Variants in COL6A2 observed in about 807,000 individuals in gnomAD.
COL6A2 encodes the protein collagen alpha-2(VI) chain.
COL6A2 carries 90 observed loss-of-function variants against 124.9 expected under a neutral mutation model. The ratio of observed to expected loss-of-function variants is 0.72; its 90% CI spans 0.61 to 0.86. The LOEUF (loss-of-function observed/expected upper bound fraction) is 0.86, where lower values mean the gene tolerates loss of function less well. Among genes scored for constraint, COL6A2 ranks in the 40% least tolerant of loss-of-function variants. The pLI, the probability that COL6A2 is intolerant of heterozygous loss-of-function variation, is 0.00. For synonymous variants in COL6A2, 793 were observed against 618.2 expected (o/e 1.28, Z -4.19); for missense variants, 1,607 against 1,502.5 (o/e 1.07, Z -1.15).
In COL6A2 at chr21:46,132,536, T is replaced by C. The variant is rs536768189; in HGVS notation, c.3044T>C (p.Ile1015Thr). The C allele has an allele frequency of 3.1e-6, 5 of 1,604,570 alleles. No homozygotes were observed. Among genetic ancestry groups the C allele is most frequent in the African/African-American group, 2.7e-5 (2 of 75,000 alleles). The change falls in exon 28 of 28, where the codon ATC becomes ACC. Residue 1015 changes from isoleucine (I) to threonine (T), a missense_variant. This residue lies in a region of COL6A2 where 1,223 missense variants were observed against 1,052.2 expected (regional missense o/e 1.16). Coordinates refer to ENST00000300527, the MANE Select transcript of COL6A2 (RefSeq NM_001849.4). ...CAACCCGGCTTCTTCGACCGCTTCA[T>C]CCGCTGGATCTGCTAGCGCCGCCGC... Reference protein sequence around the residue: ...LAQPGFFDRFIRWIC With the variant: ...LAQPGFFDRFTRWIC
In COL6A2 at chr21:46,112,311, A is replaced by G; in HGVS notation, c.448A>G (p.Ser150Gly). 6.2e-7 allele frequency: 1 copy of G among 1,612,186 alleles called. No individual in the cohort carries two copies. The highest frequency in any genetic ancestry group is 8.5e-7 in the Non-Finnish European group (1 of 1,179,732). The change falls in exon 3 of 28, where the codon AGC becomes GGC. Residue 150 changes from serine (S) to glycine (G), a missense_variant. Physicochemically the swap from Ser to Gly is moderately conservative, Grantham distance 56. Coordinates refer to ENST00000300527, the MANE Select transcript of COL6A2 (RefSeq NM_001849.4). ...GACGGAGCAGATCCGGCAGGACCGC[A>G]GCAAGGGCACCGTCCACTTCGCCGT... ...NMTEQIRQDR[S>G]KGTVHFAVVI... is the part of the protein sequence containing the mutation.
In COL6A2 at chr21:46,112,321, C is replaced by G; in HGVS notation, c.458C>G (p.Thr153Ser). ...EQIRQDRSKG[T>S]VHFAVVITDG... ...ATCCGGCAGGACCGCAGCAAGGGCA[C>G]CGTCCACTTCGCCGTGGTCATCACC... is the stretch of plus-strand genomic sequence containing the variant. The change falls in exon 3 of 28, where the codon ACC (threonine) becomes AGC (serine). Residue 153 changes from threonine to serine, a missense_variant. Transcript: ENST00000300527. The G allele has an allele frequency of 6.2e-7, 1 of 1,611,722 alleles. No homozygotes were observed. Among genetic ancestry groups the G allele is most frequent in the Non-Finnish European group, 8.5e-7 (1 of 1,179,522 alleles).
Position 46,125,610 on chromosome 21 carries a change from C to G in COL6A2, c.1962C>G (p.Ser654=). 6.2e-7 allele frequency: 1 copy of G among 1,611,362 alleles called. No individual in the cohort carries two copies. The highest frequency in any genetic ancestry group is 1.3e-5 in the African/African-American group (1 of 74,714). The stretch of plus-strand genomic sequence containing the variant: ...GTGCCATCGCTAAGGACCCCAAGTC[C>G]GAGACAGGTCAGCGGGGCAGGGGCG... ...RLGAIAKDPK[S]ETGTRVGVVQ... The change falls in exon 25 of 28, where the codon TCC becomes TCG. Residue 654 remains serine, a synonymous_variant. Coordinates refer to ENST00000300527, the MANE Select transcript of COL6A2 (RefSeq NM_001849.4).
chr21:46,116,955 A>ACACACG lies in COL6A2; in HGVS notation c.999+142_999+143insACACGC. 1 of 814,884 alleles carries ACACACG rather than the reference A, an allele frequency of 1.2e-6. No individual in the cohort carries two copies. The highest frequency in any genetic ancestry group is 2.7e-5 in the East Asian group (1 of 36,828). 50.5% of individuals were successfully genotyped at this position (814,884 alleles called of 1,614,324 possible). A position where few individuals can be genotyped will look rare whatever the true frequency, so the allele number is the denominator to read the frequency against. On this transcript the variant is annotated intron_variant, in intron 10 of 27. Transcript: ENST00000300527. The surrounding 1 kb of genome is among the most constrained non-coding windows in gnomAD (Gnocchi z 4.6). ...CACACACACACACACACACACACAC[A>ACACACG]CGAACTTCAGCTCCTGCCACATCCC...
At chr21:46,125,752 C>T (rs766463397) in intron 25 of COL6A2, 33 bp from the exon 26 acceptor site, 4 of 1,607,276 alleles carry the variant, frequency 2.5e-6, no homozygotes, top group East Asian at 2.2e-5. Flanking sequence ...ACCCCGAGGC[C>T]TCTGGCAACG....
rs748153892 is a variant in COL6A2 at position 46,125,271 on chromosome 21, T to C, written c.1776T>C (p.Cys592=). The change falls in exon 24 of 28, where the codon TGT becomes TGC. Residue 592 remains cysteine, a synonymous_variant. Coordinates refer to ENST00000300527, the MANE Select transcript of COL6A2 (RefSeq NM_001849.4). ...GPPGDPGLTE[C]DVMTYVRETC... ...GCCTGCCGTGTGCATTGCAGGAGTG[T>C]GACGTCATGACCTACGTGAGGGAGA... is the stretch of plus-strand genomic sequence containing the variant. 10 of 1,612,050 alleles carry C rather than the reference T, an allele frequency of 6.2e-6. No homozygotes were observed. Among genetic ancestry groups the C allele is most frequent in the Non-Finnish European group, 8.5e-6 (10 of 1,179,618 alleles).
intron 27 of COL6A2, chr21:46,129,677 TGCTGCG>T (rs2078733978): frequency 4.9e-6 from 7 of 1,419,094 alleles, no homozygotes; most frequent in Non-Finnish European, 6.4e-6. Flanking sequence ...CCGTGTCCCT[TGCTGCG>T]GCTGCATCTT....
intron 27 of COL6A2, chr21:46,129,713 CCTGTGG>C: frequency 2.1e-6 from 3 of 1,409,640 alleles, no homozygotes; most frequent in South Asian, 1.7e-5. Context: ...CCTCCGTCTT[CCTGTGG>C]CCGCTCTCTT....
rs774585113 is a variant in COL6A2 at position 46,122,090 on chromosome 21, C to T, written c.1522-18C>T. ...CCCGTCCTATGACCATGCTGACCGA[C>T]TCAACGTCCTCCTCCAGGGAGACCC... On this transcript the variant is annotated intron_variant, in intron 18 of 27. Coordinates refer to ENST00000300527, the MANE Select transcript of COL6A2 (RefSeq NM_001849.4). The T allele has an allele frequency of 5.0e-6, 8 of 1,612,452 alleles. No individual in the cohort carries two copies. The Admixed American group carries it at 1.2e-4, about 24-fold the overall frequency.
rs556289430 is a variant in COL6A2 at position 46,119,455 on chromosome 21, G to A, written c.1270-333G>A. On this transcript the variant is annotated intron_variant, in intron 14 of 27. Transcript: ENST00000300527. ...GCATGGGGCCTGCCTGGGAGTGACC[G>A]CAGTGACTGGACAGCACCAGGTCCC... Among the ~76,000 whole-genome samples, 472 of 152,284 alleles carry A rather than the reference G, an allele frequency of 3.1e-3. 2 individuals are homozygous for A. The highest frequency in any genetic ancestry group is 0.011 in the African/African-American group (450 of 41,554).
Position 46,119,014 on chromosome 21 carries a change from T to C in COL6A2, c.1180-16T>C, listed in dbSNP as rs1355356965. 6 of 1,587,744 alleles carry C rather than the reference T, an allele frequency of 3.8e-6. No homozygotes were observed. The highest frequency in any genetic ancestry group is 3.3e-5 in the Admixed American group (2 of 59,926). On this transcript the variant is annotated splice_polypyrimidine_tract_variant and intron_variant, in intron 13 of 27. Transcript: ENST00000300527. ...CCCCTGCCTCTGGGTGACTGTGCTG[T>C]CCTCTCCTTCTTCAGGGGTATCAAG...
intron 27 of COL6A2, among the ~76,000 whole-genome samples, chr21:46,128,481 G>GCT (rs2078708281): frequency 6.6e-6 from 1 of 152,090 alleles, no homozygotes. Flanking sequence ...GACACCACTG[G>GCT]CTGTGGCCTG....
chr21:46,129,085 C>A lies in COL6A2; in HGVS notation c.2461+2544C>A. Reference sequence around the variant, plus strand: ...ACCTGCATTTCCTCTACCGACTCGCCAGCCCAAATGCCGCTCTTCACTCTG... The same window carrying A: ...ACCTGCATTTCCTCTACCGACTCGCAAGCCCAAATGCCGCTCTTCACTCTG... On this transcript the variant is annotated intron_variant, in intron 27 of 27. Coordinates refer to ENST00000300527, the MANE Select transcript of COL6A2 (RefSeq NM_001849.4). 11 of 1,601,028 alleles carry A rather than the reference C, an allele frequency of 6.9e-6. No homozygotes were observed. The South Asian group carries it at 1.2e-4, about 18-fold the overall frequency.
rs71185194 is a variant in COL6A2, at chr21:46,116,956, C to CAT, written c.999+142_999+143insAT. 3 of 813,326 alleles carry CAT rather than the reference C, an allele frequency of 3.7e-6. No homozygotes were observed. Among genetic ancestry groups the CAT allele is most frequent in the Non-Finnish European group, 5.9e-6 (3 of 506,122 alleles). The allele number at this position is 813,326 out of a possible 1,614,324, so 50.4% of individuals were successfully genotyped here. A position where few individuals can be genotyped will look rare whatever the true frequency, so the allele number is the denominator to read the frequency against. ...ACACACACACACACACACACACACA[C>CAT]GAACTTCAGCTCCTGCCACATCCCA... is the stretch of plus-strand genomic sequence containing the variant. On this transcript the variant is annotated intron_variant, in intron 10 of 27. Transcript: ENST00000300527. This position sits in a 1 kb window ranked among gnomAD's most constrained non-coding sequence, Gnocchi z 4.6.
Position 46,114,471 on chromosome 21 carries a change from A to G in COL6A2, c.801+398A>G, listed in dbSNP as rs116718841. ...GAAAGCCACATTTAAGGCCAGCTGT[A>G]TCTCAAATTGTCTCAACACTTCTGT... On this transcript the variant is annotated intron_variant, in intron 5 of 27. Transcript: ENST00000300527. Among the ~76,000 whole-genome samples, 346 of 152,148 alleles carry G rather than the reference A, an allele frequency of 2.3e-3. 2 individuals carry two copies. The highest frequency in any genetic ancestry group is 8.1e-3 in the African/African-American group (338 of 41,516).
At position 46,132,338 on chromosome 21, in the gene COL6A2, A is replaced by C; in HGVS notation, c.2846A>C (p.Asp949Ala). ...HAELSFVFLT[D>A]GVTGNDSLHE... is the part of the protein sequence containing the mutation. ...GAGCTGTCCTTCGTGTTCCTCACGG[A>C]CGGCGTCACGGGCAACGACAGTCTG... The change falls in exon 28 of 28, where the codon GAC (aspartate) becomes GCC (alanine). Residue 949 changes from aspartate to alanine, a missense_variant. This residue lies in a region of COL6A2 where 1,223 missense variants were observed against 1,052.2 expected (regional missense o/e 1.16). Coordinates refer to ENST00000300527, the MANE Select transcript of COL6A2 (RefSeq NM_001849.4). 1 of 1,607,858 alleles carries C rather than the reference A, an allele frequency of 6.2e-7. No homozygotes were observed. The highest frequency in any genetic ancestry group is 8.5e-7 in the Non-Finnish European group (1 of 1,179,552).
chr21:46,102,658 T>A (rs905756557), intron 1 of COL6A2, among the ~76,000 whole-genome samples: 1 of 152,150 alleles, frequency 6.6e-6, no homozygotes, highest in African/African-American at 2.4e-5. Flanking sequence ...TGATCATGTG[T>A]GAGTTTTTTT....
At chr21:46,105,696 G>T (rs2123599387) in intron 1 of COL6A2, among the ~76,000 whole-genome samples, 1 of 151,972 alleles carries the variant, frequency 6.6e-6, no homozygotes, top group East Asian at 1.9e-4. Context: ...AATCCCCATG[G>T]TAACAACAAA....
chr21:46,108,105 TA>T (rs143669577), intron 1 of COL6A2, among the ~76,000 whole-genome samples: 27,179 of 146,792 alleles, frequency 0.19, 2,793 homozygotes, highest in African/African-American at 0.29. Context: ...TATATATATA[TA>T]TTTTTTTTTC....
Sources: allele counts gnomAD v4.1 joint callset (sites outside exome capture counted in the v4.1 genomes callset), GRCh38; gene constraint gnomAD v4.1.1; regional missense constraint gnomAD v4.1.1; non-coding constraint Gnocchi (gnomAD v3.1); transcripts MANE v1.5; gene names NCBI Gene and HGNC (gene_info 2026-07-23, HGNC 2026-07-21).